ACACA: variants seen among roughly 807,000 people sequenced by gnomAD.
ACACA encodes the protein acetyl-CoA carboxylase alpha.
A neutral mutation model predicts 296.1 loss-of-function variants in ACACA; 103 were observed. The ratio of observed to expected loss-of-function variants is 0.35; its 90% CI spans 0.30 to 0.41. The LOEUF (loss-of-function observed/expected upper bound fraction) is 0.41. ACACA is among the 10% of genes least tolerant of loss of function. ACACA has a pLI of 1.00. For synonymous variants in ACACA, 953 were observed against 1,038.6 expected, an observed-to-expected ratio of 0.92 and a Z score of 1.58; for missense variants, 1,554 against 2,989.7, an observed-to-expected ratio of 0.52 and a Z score of 11.20.
chr17:37,401,105 G>A (rs2051269656), intron 1 of ACACA, among the ~76,000 whole-genome samples: 4 of 151,610 alleles, frequency 2.6e-5, no homozygotes, highest in South Asian at 2.1e-4. Context: ...TCTCATGGTA[G>A]TTTTAATTCA....
At chr17:37,173,995 T>TATATATATATA (rs2076988119) in intron 41 of ACACA, among the ~76,000 whole-genome samples, 1 of 9,328 alleles carries the variant, frequency 1.1e-4, no homozygotes. Flanking sequence ...TATATATATA[T>TATATATATATA]ATATATATAT....
chr17:37,285,070 G>A (rs1174489554), intron 3 of ACACA, 100 bp from the exon 4 acceptor site: 1 of 1,332,258 alleles, frequency 7.5e-7, no homozygotes, highest in Non-Finnish European at 1.1e-6. Context: ...TGCATCCTGT[G>A]AAGACTGCAT....
intron 42 of ACACA, among the ~76,000 whole-genome samples, chr17:37,159,982 G>A (rs957371484): frequency 2.0e-5 from 3 of 152,214 alleles, no homozygotes; most frequent in Non-Finnish European, 4.4e-5. Context: ...GGTGAAGACT[G>A]AGAATTCACC....
At chr17:37,347,283 G>C (rs1405752767) in intron 1 of ACACA, among the ~76,000 whole-genome samples, 2 of 152,136 alleles carry the variant, frequency 1.3e-5, no homozygotes, top group Non-Finnish European at 2.9e-5. Context: ...TGATTGTGAG[G>C]TCTCCCTGGC....
At chr17:37,360,242 T>C (rs1011315466) in intron 1 of ACACA, 2 of 152,172 alleles carry the variant, frequency 1.3e-5, no homozygotes, top group African/African-American at 4.8e-5. Flanking sequence ...TAATGAAGCA[T>C]GCAGCGCACC....
intron 18 of ACACA, among the ~76,000 whole-genome samples, chr17:37,247,374 C>CTTTTTTTTTTTTTTTTTTTA (rs59972801): frequency 6.9e-6 from 1 of 145,634 alleles, no homozygotes; most frequent in African/African-American, 2.6e-5. Context: ...TTGTGAATTT[C>CTTTTTTTTTTTTTTTTTTTA]TTTTTTTTTT....
chr17:37,371,405 G>T (rs1316249209), intron 1 of ACACA, among the ~76,000 whole-genome samples: 13 of 151,942 alleles, frequency 8.6e-5, no homozygotes, highest in Admixed American at 8.5e-4. Context: ...ACAAAACATG[G>T]AAAAATAAAG....
At chr17:37,301,340 C>T in intron 3 of ACACA, 2 of 982,998 alleles carry the variant, frequency 2.0e-6, no homozygotes. Context: ...AAGCATCCCC[C>T]TTTTAATCTA....
At chr17:37,204,577 C>A (rs528435004) in intron 33 of ACACA, among the ~76,000 whole-genome samples, 25 of 152,094 alleles carry the variant, frequency 1.6e-4, no homozygotes, top group Non-Finnish European at 2.6e-4. Flanking sequence ...TGTATGCTGA[C>A]CAATTAGGAA....
intron 28 of ACACA, 29 bp downstream of exon 28, chr17:37,223,483 G>A: frequency 2.0e-6 from 3 of 1,514,408 alleles, no homozygotes; most frequent in Middle Eastern, 3.4e-4. Context: ...CAAAGGAAAA[G>A]GTCATGTCCC....
Position 37,097,375 on chromosome 17 carries a change from T to C in ACACA, c.6721-209A>G, listed in dbSNP as rs1567653637. Among the ~76,000 whole-genome samples, 1 of 152,194 alleles carries C rather than the reference T, an allele frequency of 6.6e-6. No homozygotes were observed. Among genetic ancestry groups the C allele is most frequent in the South Asian group, 2.1e-4 (1 of 4,832 alleles). ...CTGTCTGCAGCACTGTGCACAGCCA[T>C]GGGCCTGGCTAATGCTGATCCCACA... On this transcript the variant is annotated intron_variant, in intron 53 of 55. Transcript: ENST00000616317. This position sits in a 1 kb window ranked among gnomAD's most constrained non-coding sequence, Gnocchi z 4.8.
chr17:37,204,528 A>AT (rs1041070032), intron 33 of ACACA, among the ~76,000 whole-genome samples: 5 of 152,138 alleles, frequency 3.3e-5, no homozygotes, highest in Non-Finnish European at 1.5e-5. Context: ...TTTAGGTAGA[A>AT]TTTTTTTATA....
At position 37,330,356 on chromosome 17, in the gene ACACA, T is replaced by C; in HGVS notation, c.155A>G (p.Gln52Arg). 6.2e-7 allele frequency: 1 copy of C among 1,614,230 alleles called. No individual in the cohort carries two copies. The highest frequency in any genetic ancestry group is 8.5e-7 in the Non-Finnish European group (1 of 1,180,030). ...AGAACCTATTATGAATCGAGAGTGC[T>C]GGTTCAGCTCCAGAGGTTGGGCCAA... ...SPLAQPLELN[Q>R]HSRFIIGSVS... Residue 52 changes from glutamine to arginine, a missense_variant, in exon 3 of 56, where the codon CAG (glutamine) becomes CGG (arginine). Physicochemically the swap from Gln to Arg is conservative, Grantham distance 43. Transcript: ENST00000616317.
chr17:37,257,326 AAAAAT>A lies in ACACA; in HGVS notation c.1826+372_1826+376del, dbSNP rs991988157. Among the ~76,000 whole-genome samples the A allele has an allele frequency of 5.3e-5, 8 of 152,320 alleles. No individual in the cohort carries two copies. In the East Asian group the frequency reaches 1.2e-3, roughly 22 times the overall value. ...TAGATTTTAAGTCTTCTCACAAGAAAAAAATAAAATAAAAGTCTATGATTTATTTG... is the reference window on the plus strand; with the variant it reads ...TAGATTTTAAGTCTTCTCACAAGAAAAAAATAAAAGTCTATGATTTATTTG... On this transcript the variant is annotated intron_variant, in intron 14 of 55. Transcript: ENST00000616317.
At chr17:37,269,029 A>C (rs1183805934) in intron 10 of ACACA, among the ~76,000 whole-genome samples, 2 of 142,228 alleles carry the variant, frequency 1.4e-5, no homozygotes, top group Non-Finnish European at 3.0e-5. Flanking sequence ...TGAAATTAGA[A>C]TTCAATGAAA....
intron 12 of ACACA, 41 bp from the exon 13 acceptor site, chr17:37,258,414 C>T (rs1434112127): frequency 1.3e-6 from 2 of 1,599,896 alleles, no homozygotes. Context: ...TTTTCAGTTA[C>T]TTCCCTTAAA....
intron 39 of ACACA, among the ~76,000 whole-genome samples, chr17:37,186,445 T>TA (rs916252308): frequency 1.3e-5 from 2 of 152,172 alleles, no homozygotes; most frequent in African/African-American, 4.8e-5. Flanking sequence ...AATATTAAAT[T>TA]AAAAAACAAA....
rs2147872206 is a variant in ACACA, at chr17:37,406,794, C to CAGCACCCGGCGGGGGCCT, written c.-513_-496dup. 6.6e-6 allele frequency: 1 copy of CAGCACCCGGCGGGGGCCT among 150,940 alleles called. No individual in the cohort carries two copies. Among genetic ancestry groups the CAGCACCCGGCGGGGGCCT allele is most frequent in the South Asian group, 2.1e-4 (1 of 4,834 alleles). 9.4% of individuals were successfully genotyped at this position (150,940 alleles called of 1,614,324 possible). ...GGCCAAGAGGGCGGTGGCGGGCGCTCAGCACCCGGCGGGGGCCTCCACGGC... is the reference window on the plus strand; with the variant it reads ...GGCCAAGAGGGCGGTGGCGGGCGCTCAGCACCCGGCGGGGGCCTAGCACCCGGCGGGGGCCTCCACGGC... On this transcript the variant is annotated 5_prime_UTR_variant, in exon 1 of 56. Coordinates refer to ENST00000616317, the MANE Select transcript of ACACA (RefSeq NM_198834.3).
chr17:37,176,328 A>G (rs1013574968), intron 41 of ACACA, among the ~76,000 whole-genome samples: 1 of 152,226 alleles, frequency 6.6e-6, no homozygotes, highest in African/African-American at 2.4e-5. Context: ...CTTTTGGAGA[A>G]CACCACATTA....
Sources: gnomAD v4.1 joint callset for allele counts (sites outside exome capture counted in the v4.1 genomes callset) on GRCh38, gnomAD v4.1.1 for gene constraint, Gnocchi (gnomAD v3.1) non-coding constraint, MANE v1.5 for transcripts, NCBI Gene and HGNC (gene_info 2026-07-23, HGNC 2026-07-21) for gene names.